The following EXOC6B variants were observed in gnomAD, a reference collection of about 807,000 sequenced individuals.
The protein encoded by EXOC6B is SEC15 homolog B.
Under a neutral mutation model 113.5 loss-of-function variants are expected in EXOC6B, and 54 were observed. The ratio of observed to expected loss-of-function variants is 0.48; its 90% CI spans 0.38 to 0.60. EXOC6B has a LOEUF of 0.60. EXOC6B is among the 20% of genes least tolerant of loss of function. The probability of loss-of-function intolerance (pLI) is 0.00; values close to 1 mark genes in which losing one functional copy is unlikely to be tolerated. For missense variants in EXOC6B, 797 were observed against 977.5 expected, an observed-to-expected ratio of 0.82 and a Z score of 2.46; for synonymous variants, 357 against 339.0, an observed-to-expected ratio of 1.05 and a Z score of -0.58.
chr2:72,671,636 T>G (rs1340867098), intron 6 of EXOC6B, among the ~76,000 whole-genome samples: 1 of 151,570 alleles, frequency 6.6e-6, no homozygotes. Context: ...AGGTGGAGGT[T>G]GCAGTGAGCC....
intron 1 of EXOC6B, among the ~76,000 whole-genome samples, chr2:72,807,398 G>A (rs1371984713): frequency 6.6e-6 from 1 of 152,136 alleles, no homozygotes; most frequent in Non-Finnish European, 1.5e-5. Flanking sequence ...TTTGGTACCA[G>A]TACCATGCTA....
At chr2:72,658,499 A>AT (rs1431633002) in intron 6 of EXOC6B, among the ~76,000 whole-genome samples, 1 of 151,874 alleles carries the variant, frequency 6.6e-6, no homozygotes, top group Non-Finnish European at 1.5e-5. Context: ...GGAAGAGCAA[A>AT]TCAACTAATT....
At chr2:72,398,532 A>G (rs1003055746) in intron 18 of EXOC6B, among the ~76,000 whole-genome samples, 1 of 152,046 alleles carries the variant, frequency 6.6e-6, no homozygotes, top group Non-Finnish European at 1.5e-5. Flanking sequence ...CCCCGTCTCT[A>G]TTAAAAATAC....
intron 18 of EXOC6B, among the ~76,000 whole-genome samples, chr2:72,380,824 A>G (rs1041189481): frequency 6.6e-6 from 1 of 152,244 alleles, no homozygotes; most frequent in Non-Finnish European, 1.5e-5. Context: ...AAAAGATTCA[A>G]AGTACTCTAC....
intron 6 of EXOC6B, among the ~76,000 whole-genome samples, chr2:72,587,015 ATAACT>A (rs1236759714): frequency 6.6e-6 from 1 of 152,210 alleles, no homozygotes; most frequent in African/African-American, 2.4e-5. Flanking sequence ...GATTTCTCAA[ATAACT>A]TAAAACAGAA....
At chr2:72,631,453 TATATATATAGAG>T (rs1672437577) in intron 6 of EXOC6B, among the ~76,000 whole-genome samples, 3 of 33,976 alleles carry the variant, frequency 8.8e-5, no homozygotes, top group African/African-American at 2.1e-4. Context: ...TATATATATA[TATATATATAGAG>T]AGAGAGAGAG....
chr2:72,273,484 T>C (rs1684626264), intron 20 of EXOC6B, among the ~76,000 whole-genome samples: 1 of 152,076 alleles, frequency 6.6e-6, no homozygotes, highest in Non-Finnish European at 1.5e-5. Flanking sequence ...GCAACAAATC[T>C]TTGTGTAAGG....
chr2:72,551,094 C>T (rs1481536812), intron 8 of EXOC6B, among the ~76,000 whole-genome samples: 2 of 152,032 alleles, frequency 1.3e-5, no homozygotes, highest in Non-Finnish European at 2.9e-5. Flanking sequence ...TATCCTATTT[C>T]ATGTATGAGA....
chr2:72,432,144 C>G (rs1384507645), intron 18 of EXOC6B, among the ~76,000 whole-genome samples: 2 of 152,034 alleles, frequency 1.3e-5, no homozygotes, highest in African/African-American at 4.8e-5. Context: ...TCAAGCGATT[C>G]CCCTGCCTCA....
chr2:72,706,234 A>G (rs1386006426), intron 6 of EXOC6B, among the ~76,000 whole-genome samples: 1 of 152,186 alleles, frequency 6.6e-6, no homozygotes, highest in East Asian at 1.9e-4. Flanking sequence ...TCTGGAGGAG[A>G]ATAATCACTT....
chr2:72,481,150 T>C (rs1255102292), intron 16 of EXOC6B, among the ~76,000 whole-genome samples: 1 of 152,160 alleles, frequency 6.6e-6, no homozygotes, highest in African/African-American at 2.4e-5. Context: ...TGTGAAGAAG[T>C]TCTTTGCTTC....
At chr2:72,453,700 C>T (rs575626336) in intron 18 of EXOC6B, among the ~76,000 whole-genome samples, 2 of 152,106 alleles carry the variant, frequency 1.3e-5, no homozygotes, top group Non-Finnish European at 2.9e-5. Flanking sequence ...TAATTATTTG[C>T]TGATATTAGC....
At chr2:72,469,275 A>G (rs753190368) in intron 17 of EXOC6B, among the ~76,000 whole-genome samples, 1 of 151,978 alleles carries the variant, frequency 6.6e-6, no homozygotes, top group Admixed American at 6.6e-5. Flanking sequence ...CTGATTTTCT[A>G]TACTGGTTTT....
intron 20 of EXOC6B, among the ~76,000 whole-genome samples, chr2:72,294,160 T>C (rs1050970630): frequency 1.3e-5 from 2 of 150,230 alleles, no homozygotes; most frequent in African/African-American, 4.9e-5. Context: ...ACAACAGATA[T>C]AAAGTACAAG....
In EXOC6B at chr2:72,410,349, T is replaced by A. The variant is rs574904966; in HGVS notation, c.1981-30479A>T. Among the ~76,000 whole-genome samples the A allele has an allele frequency of 7.9e-5, 12 of 152,352 alleles. 1 individual carries two copies. In the South Asian group the frequency reaches 2.5e-3, roughly 32 times the overall value. ...TTTGTTCTCCTTTTTTATGACTGTCTAAAAACACAAAATGTGTGGTCTGTT... is the reference window on the plus strand; with the variant it reads ...TTTGTTCTCCTTTTTTATGACTGTCAAAAAACACAAAATGTGTGGTCTGTT... On this transcript the variant is annotated intron_variant, in intron 18 of 21. Transcript: ENST00000272427.
At chr2:72,623,942 A>C (rs1343384706) in intron 6 of EXOC6B, among the ~76,000 whole-genome samples, 1 of 152,198 alleles carries the variant, frequency 6.6e-6, no homozygotes, top group Non-Finnish European at 1.5e-5. Flanking sequence ...TTGATACTGT[A>C]CCTGCAGTTC....
At chr2:72,402,850 A>G (rs1391011452) in intron 18 of EXOC6B, among the ~76,000 whole-genome samples, 1 of 152,094 alleles carries the variant, frequency 6.6e-6, no homozygotes, top group Non-Finnish European at 1.5e-5. Context: ...TTATTTTTGC[A>G]AAGACTATAT....
In EXOC6B at chr2:72,582,973, G is replaced by A. The variant is rs1705325131; in HGVS notation, c.670-7305C>T. Among the ~76,000 whole-genome samples the A allele has an allele frequency of 2.0e-5, 3 of 152,106 alleles. No individual in the cohort carries two copies. The South Asian group carries it at 6.2e-4, about 32-fold the overall frequency. On this transcript the variant is annotated intron_variant, in intron 6 of 21. Transcript: ENST00000272427. The stretch of plus-strand genomic sequence containing the variant: ...ACAAAGAAACTTCTAAATTAATCAA[G>A]GAAATGAAGAGAAAGATAAATACAT...
intron 20 of EXOC6B, among the ~76,000 whole-genome samples, chr2:72,266,517 T>C (rs62147633): frequency 0.013 from 1,595 of 118,188 alleles, no homozygotes; most frequent in South Asian, 0.028. Context: ...AGGGAATCCT[T>C]TCCCCATTGC....
Sources: gnomAD v4.1 joint callset for allele counts (sites outside exome capture counted in the v4.1 genomes callset) on GRCh38, gnomAD v4.1.1 for gene constraint, MANE v1.5 for transcripts, NCBI Gene and HGNC (gene_info 2026-07-23, HGNC 2026-07-21) for gene names.